Variants in PIWIL2 observed in about 807,000 individuals in gnomAD.
PIWIL2 encodes piwi like RNA-mediated gene silencing 2.
In PIWIL2, 81 loss-of-function variants were observed where a neutral mutation model predicts 116.5. That is an observed-to-expected ratio of 0.70 (90% CI 0.58 to 0.84). The LOEUF (loss-of-function observed/expected upper bound fraction) is 0.84. Ranked by LOEUF, PIWIL2 falls within the 40% of genes least tolerant of loss-of-function variation. The pLI is 0.00. For missense variants in PIWIL2, 1,272 were observed against 1,212.3 expected (o/e 1.05, Z -0.73); for synonymous variants, 489 against 429.5 (o/e 1.14, Z -1.71).
rs539286556 is a variant in PIWIL2 at position 22,305,035 on chromosome 8, C to A, written c.1455+167C>A. Among the ~76,000 whole-genome samples the A allele has an allele frequency of 2.0e-5, 3 of 152,248 alleles. No homozygotes were observed. The South Asian group carries it at 6.2e-4, about 32-fold the overall frequency. ...CTCATCCAGCCAGAGGCACCACTCA[C>A]ACTGGTAAGATCTGCTTTAGAAGTC... On this transcript the variant is annotated intron_variant, in intron 12 of 22. Transcript: ENST00000356766.
In PIWIL2 at chr8:22,357,521, C is replaced by T. The variant is rs1563443812; in HGVS notation, c.*2016C>T. 1.3e-5 allele frequency: 2 copies of T among 152,004 alleles called. No homozygotes were observed. The highest frequency in any genetic ancestry group is 2.9e-5 in the Non-Finnish European group (2 of 68,018). 9.4% of individuals were successfully genotyped at this position (152,004 alleles called of 1,614,324 possible). A position where few individuals can be genotyped will look rare whatever the true frequency, so the allele number is the denominator to read the frequency against. On this transcript the variant is annotated 3_prime_UTR_variant, in exon 23 of 23. Transcript: ENST00000356766. ...CTTGCCTCGTTTTTCGGTTTTAATG[C>T]CAAATGATTGGGTCATGGGGTGGGA...
chr8:22,292,845 G>C (rs1159586448), intron 10 of PIWIL2, among the ~76,000 whole-genome samples: 1 of 152,190 alleles, frequency 6.6e-6, no homozygotes, highest in African/African-American at 2.4e-5. Context: ...GCTATTATGT[G>C]TCTCTCCTGA....
chr8:22,281,063 C>A, intron 2 of PIWIL2, 57 bp from the exon 3 acceptor site: 1 of 971,794 alleles, frequency 1.0e-6, no homozygotes, highest in South Asian at 1.5e-5. Context: ...CTAAGAAAGC[C>A]CTTGTTTCTG....
chr8:22,315,937 C>G (rs1831447784), intron 18 of PIWIL2, among the ~76,000 whole-genome samples: 1 of 152,178 alleles, frequency 6.6e-6, no homozygotes, highest in Admixed American at 6.5e-5. Flanking sequence ...CTTTGAGTGT[C>G]ATGTCGGTGC....
intron 20 of PIWIL2, 81 bp downstream of exon 20, chr8:22,318,356 C>T (rs753663631): frequency 2.1e-5 from 16 of 778,580 alleles, no homozygotes; most frequent in Non-Finnish European, 3.0e-5. Context: ...TCACTCTTGT[C>T]GCCCAGGTTG....
intron 13 of PIWIL2, among the ~76,000 whole-genome samples, chr8:22,306,811 C>T (rs915881338): frequency 5.3e-5 from 8 of 152,178 alleles, no homozygotes; most frequent in Admixed American, 5.2e-4. Flanking sequence ...TTCTATACAA[C>T]TCCCAGTTGC....
rs150723884 is a variant in PIWIL2 at position 22,354,350 on chromosome 8, G to A, written c.2737G>A (p.Ala913Thr). The A allele has an allele frequency of 2.2e-3, 3,574 of 1,611,336 alleles. 12 individuals carry two copies. The highest frequency in any genetic ancestry group is 2.7e-3 in the Non-Finnish European group (3,149 of 1,177,630). ...GCATTATGTCTGTGTTCTCAACACC[G>A]CAAACCTGAGCCCTGATCATATGCA... ...PTHYVCVLNT[A>T]NLSPDHMQRL... The change falls in exon 22 of 23, where the codon GCA (alanine) becomes ACA (threonine). Residue 913 changes from alanine to threonine, a missense_variant. Coordinates refer to ENST00000356766, the MANE Select transcript of PIWIL2 (RefSeq NM_018068.5).
intron 20 of PIWIL2, among the ~76,000 whole-genome samples, chr8:22,338,242 C>A (rs1295330514): frequency 6.6e-6 from 1 of 152,106 alleles, no homozygotes; most frequent in Non-Finnish European, 1.5e-5. Flanking sequence ...TGTAGAAAAT[C>A]CCAGGGAACC....
chr8:22,286,745 C>T (rs1236297963), intron 6 of PIWIL2, among the ~76,000 whole-genome samples: 3 of 152,176 alleles, frequency 2.0e-5, no homozygotes, highest in African/African-American at 7.2e-5. Context: ...CCTCAGCCTC[C>T]CGAGTAACTG....
At chr8:22,339,720 C>G (rs1412188595) in intron 20 of PIWIL2, among the ~76,000 whole-genome samples, 1 of 152,166 alleles carries the variant, frequency 6.6e-6, no homozygotes, top group Non-Finnish European at 1.5e-5. Flanking sequence ...AGTCATTCAT[C>G]CGATACATAT....
At chr8:22,325,696 C>G (rs1205813047) in intron 20 of PIWIL2, among the ~76,000 whole-genome samples, 1 of 151,938 alleles carries the variant, frequency 6.6e-6, no homozygotes, top group African/African-American at 2.4e-5. Context: ...GTTGACCAAC[C>G]TGGTCTCAGA....
Position 22,283,083 on chromosome 8 carries a change from G to A in PIWIL2, c.475G>A (p.Ala159Thr). 1 of 1,614,140 alleles carries A rather than the reference G, an allele frequency of 6.2e-7. No homozygotes were observed. Among genetic ancestry groups the A allele is most frequent in the East Asian group, 2.2e-5 (1 of 44,884 alleles). Reference sequence around the variant, plus strand: ...TGCGTCTTTATTACCACTGGGAAGAGCAGCAGGTGGTATCAGCAGAGAAGT... The same window carrying A: ...TGCGTCTTTATTACCACTGGGAAGAACAGCAGGTGGTATCAGCAGAGAAGT... ...SDASLLPLGR[A>T]AGGISREVDK... is the part of the protein sequence containing the mutation. The change falls in exon 5 of 23, where the codon GCA becomes ACA. Residue 159 changes from alanine to threonine, a missense_variant. Ala to Thr is a moderately conservative substitution (Grantham distance 58, BLOSUM62 0). Coordinates refer to ENST00000356766, the MANE Select transcript of PIWIL2 (RefSeq NM_018068.5).
chr8:22,285,236 C>T (rs1359250272), intron 6 of PIWIL2, among the ~76,000 whole-genome samples: 1 of 152,208 alleles, frequency 6.6e-6, no homozygotes, highest in African/African-American at 2.4e-5. Context: ...ACCCCTCAAC[C>T]CCCAGCCTCT....
chr8:22,340,952 G>A (rs977643133), intron 20 of PIWIL2, among the ~76,000 whole-genome samples: 7 of 152,070 alleles, frequency 4.6e-5, no homozygotes, highest in African/African-American at 1.7e-4. Context: ...AATTCAAGCA[G>A]TTCTCCCGCC....
intron 20 of PIWIL2, among the ~76,000 whole-genome samples, chr8:22,351,828 C>T (rs1586603240): frequency 6.6e-6 from 1 of 151,522 alleles, no homozygotes; most frequent in Non-Finnish European, 1.5e-5. Context: ...CGTGACCCAC[C>T]GTGTCCAGCC....
intron 1 of PIWIL2, among the ~76,000 whole-genome samples, chr8:22,277,336 T>G (rs1399185552): frequency 6.6e-6 from 1 of 151,482 alleles, no homozygotes; most frequent in Non-Finnish European, 1.5e-5. Flanking sequence ...GGTTATGAAG[T>G]GATTTTGAAG....
intron 4 of PIWIL2, among the ~76,000 whole-genome samples, chr8:22,282,284 ACT>A (rs1830527181): frequency 1.1e-5 from 1 of 91,260 alleles, no homozygotes; most frequent in African/African-American, 4.5e-5. Flanking sequence ...AGACAGTCTC[ACT>A]CTGTCACCAG....
At chr8:22,314,962 G>T (rs577913394) in intron 17 of PIWIL2, 67 bp from the exon 18 acceptor site, 1 of 807,514 alleles carries the variant, frequency 1.2e-6, no homozygotes, top group African/African-American at 1.7e-5. Context: ...TTACTTTAGA[G>T]TTCAGATTTT....
Position 22,311,009 on chromosome 8 carries a change from G to A in PIWIL2, c.1801-103G>A, listed in dbSNP as rs924771946. 5 of 972,646 alleles carry A rather than the reference G, an allele frequency of 5.1e-6. No homozygotes were observed. The Admixed American group carries it at 1.2e-4, about 23-fold the overall frequency. 60.3% of individuals were successfully genotyped at this position (972,646 alleles called of 1,614,324 possible). A position where few individuals can be genotyped will look rare whatever the true frequency, so the allele number is the denominator to read the frequency against. ...AGGAGTTAGATAAGACAGGATTCAA[G>A]CAATGAGAGTGAAAAGTAATTTATT... On this transcript the variant is annotated intron_variant, in intron 15 of 22. Transcript: ENST00000356766.
Sources: gnomAD v4.1 joint callset for allele counts (sites outside exome capture counted in the v4.1 genomes callset) on GRCh38, gnomAD v4.1.1 for gene constraint, MANE v1.5 for transcripts, NCBI Gene and HGNC (gene_info 2026-07-23, HGNC 2026-07-21) for gene names.